The following KNDC1 variants were observed in gnomAD, a reference collection of about 807,000 sequenced individuals.
The protein encoded by KNDC1 is kinase non-catalytic C-lobe domain containing 1.
KNDC1 carries 106 observed loss-of-function variants against 172.8 expected under a neutral mutation model. The ratio of observed to expected loss-of-function variants is 0.61; its 90% confidence interval spans 0.52 to 0.72. The LOEUF is 0.72. KNDC1 is among the 30% of genes least tolerant of loss of function. The pLI is 0.00. For synonymous variants in KNDC1, 1,083 were observed against 1,062.2 expected (o/e 1.02, Z -0.38); for missense variants, 2,325 against 2,394.5 (o/e 0.97, Z 0.61).
chr10:133,208,591 G>A lies in KNDC1; in HGVS notation c.3794+1240G>A, dbSNP rs947588777. ...TAGAGAGGGACGTGGCCCCACCTCC[G>A]ACCCCGTTCTCCCAAGGTGAGCTGC... On this transcript the variant is annotated intron_variant, in intron 20 of 29. Transcript: ENST00000304613. 3.4e-5 allele frequency among the ~76,000 whole-genome samples: 5 copies of A among 147,342 alleles called. 1 individual carries two copies. In the East Asian group the frequency reaches 1.0e-3, roughly 31 times the overall value.
chr10:133,197,216 C>A, intron 11 of KNDC1, 81 bp downstream of exon 11: 2 of 1,114,708 alleles, frequency 1.8e-6, no homozygotes, highest in Non-Finnish European at 2.7e-6. Context: ...CTTGCCTGGC[C>A]GCTCCCGGCA....
chr10:133,185,573 C>T (rs1209009653), intron 5 of KNDC1, among the ~76,000 whole-genome samples: 3 of 151,944 alleles, frequency 2.0e-5, no homozygotes, highest in Non-Finnish European at 4.4e-5. Flanking sequence ...GGGAGGCGGC[C>T]GCTGACGGCC....
intron 3 of KNDC1, among the ~76,000 whole-genome samples, chr10:133,178,300 C>T (rs1853616142): frequency 1.3e-5 from 2 of 152,192 alleles, no homozygotes; most frequent in East Asian, 1.9e-4. Context: ...GATTGATCCT[C>T]AGTCTTTGGG....
intron 10 of KNDC1, 43 bp downstream of exon 10, chr10:133,195,864 CTG>C (rs138172485): frequency 0.027 from 39,461 of 1,461,522 alleles, 613 homozygotes; most frequent in Middle Eastern, 0.032. Flanking sequence ...GGTCCAAGGA[CTG>C]TGGGCAGTGG....
chr10:133,197,578 C>CACGGCACCGGCGGGTGGTGGGGG lies in KNDC1; in HGVS notation c.1813-93_1813-71dup, dbSNP rs1854229715. The CACGGCACCGGCGGGTGGTGGGGG allele has an allele frequency of 3.3e-6, 3 of 915,012 alleles. No individual in the cohort carries two copies. In the East Asian group the frequency reaches 7.2e-5, roughly 22 times the overall value. The allele number at this position is 915,012 out of a possible 1,614,324, so 56.7% of individuals were successfully genotyped here. ...CCGGCTCCTCCCCAGCAGGAAGCTC[C>CACGGCACCGGCGGGTGGTGGGGG]ACGGCACCGGCGGGTGGTGGGGGAC... On this transcript the variant is annotated intron_variant, in intron 11 of 29. Transcript: ENST00000304613.
Position 133,224,082 on chromosome 10 carries a change from C to T in KNDC1, c.5019-577C>T, listed in dbSNP as rs1845671387. Among the ~76,000 whole-genome samples the T allele has an allele frequency of 1.3e-5, 2 of 152,186 alleles. No individual in the cohort carries two copies. The highest frequency in any genetic ancestry group is 4.1e-4 in the South Asian group (2 of 4,826). ...GGCCTTTCTTTGCCGTAATGGACGC[C>T]CCTTTCTTTGTCCCTCACACTGGGC... On this transcript the variant is annotated intron_variant, in intron 29 of 29. Transcript: ENST00000304613. This position sits in a 1 kb window ranked among gnomAD's most constrained non-coding sequence, Gnocchi z 5.4.
chr10:133,178,385 AAG>A (rs1853618712), intron 3 of KNDC1, among the ~76,000 whole-genome samples: 1 of 152,170 alleles, frequency 6.6e-6, no homozygotes, highest in Non-Finnish European at 1.5e-5. Context: ...ACATACAGAA[AAG>A]AGAGTAAGAA....
intron 16 of KNDC1, 30 bp downstream of exon 16, chr10:133,200,490 G>A: frequency 6.8e-7 from 1 of 1,462,098 alleles, no homozygotes; most frequent in East Asian, 2.7e-5. Flanking sequence ...CGCGGCAGGA[G>A]CTCTGCTGGG....
Position 133,160,507 on chromosome 10 carries a change from G to A in KNDC1, c.40G>A (p.Glu14Lys). The A allele has an allele frequency of 6.3e-7, 1 of 1,591,460 alleles. No individual in the cohort carries two copies. Among genetic ancestry groups the A allele is most frequent in the Non-Finnish European group, 8.5e-7 (1 of 1,170,822 alleles). ...CCCGGCCGCGGCGGATCTTTACGAG[G>A]AGGACGGCAAAGACCTGGACTTCTA... ...MDPAAADLYE[E>K]DGKDLDFYDF... The change falls in exon 1 of 30, where the codon GAG becomes AAG. Residue 14 changes from glutamate (E) to lysine (K), a missense_variant. By Grantham distance (56) the Glu-to-Lys change is moderately conservative. Transcript: ENST00000304613.
At chr10:133,212,519 T>C (rs1845389773) in intron 23 of KNDC1, among the ~76,000 whole-genome samples, 197 bp from the exon 24 acceptor site, 1 of 152,226 alleles carries the variant, frequency 6.6e-6, no homozygotes, top group Non-Finnish European at 1.5e-5. Context: ...GGGCACCTGC[T>C]GAAACGACCA....
At position 133,207,149 on chromosome 10, in the gene KNDC1, G is replaced by A. The variant is rs1231448358; in HGVS notation, c.3592G>A (p.Glu1198Lys). 1 of 1,593,392 alleles carries A rather than the reference G, an allele frequency of 6.3e-7. No homozygotes were observed. Among genetic ancestry groups the A allele is most frequent in the Admixed American group, 1.8e-5 (1 of 56,126 alleles). The change falls in exon 20 of 30, where the codon GAA becomes AAA. Residue 1198 changes from glutamate (E) to lysine (K), a missense_variant. Glu to Lys is a moderately conservative substitution (Grantham distance 56, BLOSUM62 1). Coordinates refer to ENST00000304613, the MANE Select transcript of KNDC1 (RefSeq NM_152643.8). ...CCCGCTCCGGCAGGTCATGTACGCGGAACGCTGGGGCCTGGAGCCCTGCAC... is the reference window on the plus strand; with the variant it reads ...CCCGCTCCGGCAGGTCATGTACGCGAAACGCTGGGGCCTGGAGCCCTGCAC... ...VKKYLQVMYA[E>K]RWGLEPCTLP...
In KNDC1 at chr10:133,186,077, C is replaced by T. The variant is rs569695794; in HGVS notation, c.729C>T (p.Pro243=). The change falls in exon 6 of 30, where the codon CCC becomes CCT. Residue 243 remains proline (P), a synonymous_variant. Coordinates refer to ENST00000304613, the MANE Select transcript of KNDC1 (RefSeq NM_152643.8). ...PSTDPEVLPT[P]EGPESETSRG... ...CTGACCCGGAGGTTCTGCCGACCCC[C>T]GAAGGCCCGGAGTCTGAGACGAGCC... is the stretch of plus-strand genomic sequence containing the variant. The T allele has an allele frequency of 1.4e-5, 22 of 1,598,750 alleles. No homozygotes were observed. The highest frequency in any genetic ancestry group is 3.4e-5 in the Admixed American group (2 of 58,286).
chr10:133,183,744 G>T, intron 4 of KNDC1, 128 bp from the exon 5 acceptor site: 1 of 827,410 alleles, frequency 1.2e-6, no homozygotes, highest in Non-Finnish European at 1.9e-6. Flanking sequence ...AAATGGGCAA[G>T]GCAGGCGCAG....
rs1444098273 is a variant in KNDC1, at chr10:133,160,292, CGCCCCCCGG to C, written c.-171_-163del. Among the ~76,000 whole-genome samples, 7 of 137,218 alleles carry C rather than the reference CGCCCCCCGG, an allele frequency of 5.1e-5. No individual in the cohort carries two copies. The highest frequency in any genetic ancestry group is 2.1e-4 in the East Asian group (1 of 4,802). 90.0% of individuals were successfully genotyped at this position (137,218 alleles called of 152,430 possible). On this transcript the variant is annotated 5_prime_UTR_variant, in exon 1 of 30. Coordinates refer to ENST00000304613, the MANE Select transcript of KNDC1 (RefSeq NM_152643.8). ...GCCCCCGCGCACCCCGCGCCCCCCGCGCCCCCCGGGCCCGCCCCGTATCCCTGACCGCGT... is the reference window on the plus strand; with the variant it reads ...GCCCCCGCGCACCCCGCGCCCCCCGCGCCCGCCCCGTATCCCTGACCGCGT...
intron 24 of KNDC1, 142 bp downstream of exon 24, chr10:133,213,064 G>A (rs1845403691): frequency 6.6e-6 from 5 of 762,964 alleles, no homozygotes; most frequent in Non-Finnish European, 8.3e-6. Flanking sequence ...ACAGGTTGGG[G>A]GTGGCTGCCA....
Position 133,216,135 on chromosome 10 carries a change from T to C in KNDC1, c.4677+2013T>C, listed in dbSNP as rs963424111. Among the ~76,000 whole-genome samples, 10 of 152,236 alleles carry C rather than the reference T, an allele frequency of 6.6e-5. No homozygotes were observed. In the East Asian group the frequency reaches 1.4e-3, roughly 21 times the overall value. On this transcript the variant is annotated intron_variant, in intron 26 of 29. Coordinates refer to ENST00000304613, the MANE Select transcript of KNDC1 (RefSeq NM_152643.8). The stretch of plus-strand genomic sequence containing the variant: ...CCAGAAAATCATTAAAATACAAAAT[T>C]CGAGCACAGAGGGCAGCAGTGATCA...
intron 3 of KNDC1, among the ~76,000 whole-genome samples, chr10:133,172,237 C>T (rs540858527): frequency 9.8e-5 from 15 of 152,312 alleles, no homozygotes; most frequent in South Asian, 4.1e-4. Context: ...TCCAGAATGG[C>T]GCCCGCCTCC....
chr10:133,184,115 C>A (rs1194860215), intron 5 of KNDC1, 126 bp downstream of exon 5: 4 of 532,510 alleles, frequency 7.5e-6, no homozygotes, highest in Non-Finnish European at 1.3e-5. Context: ...CCATACTGCA[C>A]ACACACCCAT....
At chr10:133,193,145 CTG>C (rs975283988) in intron 9 of KNDC1, among the ~76,000 whole-genome samples, 2 of 152,172 alleles carry the variant, frequency 1.3e-5, no homozygotes, top group Non-Finnish European at 2.9e-5. Flanking sequence ...TCATCAGTAA[CTG>C]TAGAGGAAGT....
Sources: gnomAD v4.1 joint callset for allele counts (sites outside exome capture counted in the v4.1 genomes callset) on GRCh38, gnomAD v4.1.1 for gene constraint, Gnocchi (gnomAD v3.1) non-coding constraint, MANE v1.5 for transcripts, NCBI Gene and HGNC (gene_info 2026-07-23, HGNC 2026-07-21) for gene names.